Variants in TAF3 observed in about 807,000 individuals in gnomAD.
TAF3 encodes the protein TATA-box binding protein associated factor 3, also known as transcription initiation factor TFIID subunit 3.
In TAF3, 7 loss-of-function variants were observed where a neutral mutation model predicts 80.6. That is an observed-to-expected ratio of 0.09 (90% confidence interval 0.05 to 0.16). The LOEUF is 0.16. Among genes scored for constraint, TAF3 ranks in the 10% least tolerant of loss-of-function variants. The pLI is 1.00. For missense variants in TAF3, 921 were observed against 1,140.2 expected, an observed-to-expected ratio of 0.81 and a Z score of 2.77; for synonymous variants, 444 against 446.1, an observed-to-expected ratio of 1.00 and a Z score of 0.06.
At chr10:7,947,347 G>GGCGCTGTTTAGTCTCTGGGTTAA in intron 2 of TAF3, among the ~76,000 whole-genome samples, 1 of 152,202 alleles carries the variant, frequency 6.6e-6, no homozygotes, top group Non-Finnish European at 1.5e-5. Context: ...CTCTGGGTTA[G>GGCGCTGTTTAGTCTCTGGGTTAA]GCGCTGTTTA....
At chr10:7,994,586 C>T (rs916444630) in intron 4 of TAF3, among the ~76,000 whole-genome samples, 1 of 152,120 alleles carries the variant, frequency 6.6e-6, no homozygotes, top group Non-Finnish European at 1.5e-5. Flanking sequence ...TGGGCTCAAG[C>T]GATTCTCCCA....
chr10:7,888,981 T>C (rs1837435323), intron 2 of TAF3, among the ~76,000 whole-genome samples: 1 of 152,248 alleles, frequency 6.6e-6, no homozygotes, highest in Non-Finnish European at 1.5e-5. Flanking sequence ...TTTATAAGGA[T>C]ACATAGACAG....
chr10:7,823,071 C>T (rs987779444), intron 1 of TAF3, among the ~76,000 whole-genome samples: 1 of 152,154 alleles, frequency 6.6e-6, no homozygotes, highest in South Asian at 2.1e-4. Flanking sequence ...CATGATTGCC[C>T]TTCTGCACTC....
chr10:7,870,948 T>C (rs1387159125), intron 2 of TAF3, among the ~76,000 whole-genome samples: 1 of 152,208 alleles, frequency 6.6e-6, no homozygotes, highest in Admixed American at 6.5e-5. Context: ...TTATATTGCT[T>C]TCAGAAGTAT....
intron 2 of TAF3, among the ~76,000 whole-genome samples, chr10:7,889,363 T>C (rs1046005077): frequency 2.6e-5 from 4 of 152,212 alleles, no homozygotes; most frequent in Non-Finnish European, 5.9e-5. Flanking sequence ...CCGGGCACTG[T>C]TGTAAACACT....
At chr10:7,914,577 T>C (rs187765986) in intron 2 of TAF3, among the ~76,000 whole-genome samples, 1 of 152,298 alleles carries the variant, frequency 6.6e-6, no homozygotes, top group African/African-American at 2.4e-5. Flanking sequence ...CTCAAAAGAG[T>C]GTATGAGAAG....
At chr10:7,985,865 C>T (rs755726953) in intron 4 of TAF3, among the ~76,000 whole-genome samples, 14 of 150,906 alleles carry the variant, frequency 9.3e-5, no homozygotes, top group Non-Finnish European at 1.8e-4. Context: ...CTCACTGCAG[C>T]CTCCGCCTCC....
At chr10:7,875,079 G>C (rs1230278587) in intron 2 of TAF3, among the ~76,000 whole-genome samples, 1 of 152,034 alleles carries the variant, frequency 6.6e-6, no homozygotes, top group African/African-American at 2.4e-5. Flanking sequence ...TCTTATCTTA[G>C]CTGATAATTG....
At chr10:7,952,682 GTATC>G (rs1454635280) in intron 2 of TAF3, among the ~76,000 whole-genome samples, 1 of 152,102 alleles carries the variant, frequency 6.6e-6, no homozygotes, top group East Asian at 1.9e-4. Flanking sequence ...AGGTCACTGT[GTATC>G]TAGGAATTTA....
intron 2 of TAF3, among the ~76,000 whole-genome samples, chr10:7,940,872 T>A (rs1837969396): frequency 6.7e-6 from 1 of 150,018 alleles, no homozygotes; most frequent in Admixed American, 6.7e-5. Flanking sequence ...GGTAAGAGGA[T>A]CACTTGGACC....
At position 8,015,849 on chromosome 10, in the gene TAF3, A is replaced by G. The variant is rs1409323373; in HGVS notation, c.*1098A>G. On this transcript the variant is annotated 3_prime_UTR_variant, in exon 7 of 7. Coordinates refer to ENST00000344293, the MANE Select transcript of TAF3 (RefSeq NM_031923.4). ...TTTACTAAAAGGACATGTAGTTTCC[A>G]TGAAAGTAAAAAAAAAAAACAACAA... 6.6e-6 allele frequency: 1 copy of G among 151,294 alleles called. No individual in the cohort carries two copies. The highest frequency in any genetic ancestry group is 1.5e-5 in the Non-Finnish European group (1 of 67,860). The allele number at this position is 151,294 out of a possible 1,614,324, so 9.4% of individuals were successfully genotyped here. A position where few individuals can be genotyped will look rare whatever the true frequency, so the allele number is the denominator to read the frequency against.
chr10:7,994,037 C>T (rs926793739), intron 4 of TAF3, among the ~76,000 whole-genome samples: 5 of 136,038 alleles, frequency 3.7e-5, no homozygotes, highest in Non-Finnish European at 7.8e-5. Context: ...CCCCCTCTCT[C>T]TTTCTCTGCT....
At chr10:7,966,963 T>G (rs1240256048) in intron 3 of TAF3, among the ~76,000 whole-genome samples, 1 of 152,240 alleles carries the variant, frequency 6.6e-6, no homozygotes, top group African/African-American at 2.4e-5. Context: ...AAAAATCATT[T>G]TATTTATTAT....
At chr10:7,953,192 A>C (rs192723402) in intron 2 of TAF3, among the ~76,000 whole-genome samples, 1 of 152,262 alleles carries the variant, frequency 6.6e-6, no homozygotes, top group East Asian at 1.9e-4. Flanking sequence ...CCATTTTCCC[A>C]GTCTTCTCAC....
At chr10:8,000,973 C>A (rs1391509891) in intron 4 of TAF3, among the ~76,000 whole-genome samples, 1 of 152,174 alleles carries the variant, frequency 6.6e-6, no homozygotes, top group African/African-American at 2.4e-5. Context: ...TGTGTGTGCA[C>A]ACATGTGTAT....
At chr10:7,908,266 G>T (rs1241343964) in intron 2 of TAF3, among the ~76,000 whole-genome samples, 1 of 152,080 alleles carries the variant, frequency 6.6e-6, no homozygotes, top group Non-Finnish European at 1.5e-5. Context: ...AACTGGAGGG[G>T]GCTTTTTCTG....
At chr10:7,993,044 G>A (rs1032643337) in intron 4 of TAF3, among the ~76,000 whole-genome samples, 5 of 151,994 alleles carry the variant, frequency 3.3e-5, no homozygotes, top group African/African-American at 1.2e-4. Flanking sequence ...TCTAATACCT[G>A]GTCCATATTC....
At chr10:8,006,028 T>A (rs774210944) in intron 4 of TAF3, among the ~76,000 whole-genome samples, 1 of 152,080 alleles carries the variant, frequency 6.6e-6, no homozygotes. Context: ...CCTCATGTGG[T>A]CATTATGAAA....
intron 2 of TAF3, among the ~76,000 whole-genome samples, chr10:7,925,629 C>T (rs925271347): frequency 2.0e-5 from 3 of 151,562 alleles, no homozygotes. Context: ...CATGGTGAAA[C>T]CCCGTTGCTA....
Sources: allele counts gnomAD v4.1 joint callset (sites outside exome capture counted in the v4.1 genomes callset), GRCh38; gene constraint gnomAD v4.1.1; transcripts MANE v1.5; gene names NCBI Gene and HGNC (gene_info 2026-07-23, HGNC 2026-07-21).